The following UBR1 variants were observed in gnomAD, a reference collection of about 807,000 sequenced individuals.
UBR1 encodes the protein ubiquitin protein ligase E3 component n-recognin 1, also known as E3 ubiquitin-protein ligase UBR1.
A neutral mutation model predicts 242.1 loss-of-function variants in UBR1; 102 were observed. The observed-to-expected ratio is 0.42, with a 90% confidence interval of 0.36 to 0.50. The LOEUF is 0.50. Ranked by LOEUF, UBR1 falls within the 20% of genes least tolerant of loss-of-function variation. The pLI is 0.01. For synonymous variants in UBR1, 675 were observed against 684.8 expected, an observed-to-expected ratio of 0.99 and a Z score of 0.22; for missense variants, 1,772 against 2,101.8, an observed-to-expected ratio of 0.84 and a Z score of 3.07.
At chr15:43,005,219 C>T (rs931116233) in intron 30 of UBR1, among the ~76,000 whole-genome samples, 11 of 152,086 alleles carry the variant, frequency 7.2e-5, no homozygotes, top group African/African-American at 1.7e-4. Context: ...CATCTCCGCC[C>T]GGCAGCCGCC....
At chr15:43,097,873 TC>T (rs1461391260) in intron 1 of UBR1, among the ~76,000 whole-genome samples, 1 of 152,230 alleles carries the variant, frequency 6.6e-6, no homozygotes, top group Non-Finnish European at 1.5e-5. Flanking sequence ...TGTTTCACTT[TC>T]TTATTATTTG....
rs373571901 is a variant in UBR1, at chr15:43,042,294, G to A, written c.1849+921C>T. On this transcript the variant is annotated intron_variant, in intron 15 of 46. Transcript: ENST00000290650. ...AGAAGCAACCCAAGTGTCCATCAAC[G>A]GATAAATGGATGAACAAAATGTGGT... Among the ~76,000 whole-genome samples the A allele has an allele frequency of 2.7e-4, 41 of 151,986 alleles. 2 individuals are homozygous for A. The East Asian group carries it at 4.2e-3, about 16-fold the overall frequency.
chr15:42,945,524 A>G, intron 46 of UBR1, 54 bp from the exon 47 acceptor site: 2 of 1,602,222 alleles, frequency 1.2e-6, no homozygotes, highest in Non-Finnish European at 1.7e-6. Flanking sequence ...TAACTGCCAC[A>G]TCTTTATTGT....
chr15:43,092,148 A>T, intron 1 of UBR1: 2 of 365,592 alleles, frequency 5.5e-6, no homozygotes, highest in South Asian at 4.1e-5. Flanking sequence ...GATGCCTTAA[A>T]TACCCTCTCC....
chr15:43,024,655 G>A (rs1256510546), intron 25 of UBR1, among the ~76,000 whole-genome samples, 174 bp downstream of exon 25: 2 of 152,122 alleles, frequency 1.3e-5, no homozygotes, highest in Non-Finnish European at 2.9e-5. Flanking sequence ...GAGTAAGGAT[G>A]CTAAAAACAC....
chr15:43,019,476 A>G (rs2033075231), intron 27 of UBR1, among the ~76,000 whole-genome samples: 1 of 152,234 alleles, frequency 6.6e-6, no homozygotes, highest in Non-Finnish European at 1.5e-5. Context: ...AATGTGAAAA[A>G]TAACTACTTT....
intron 3 of UBR1, among the ~76,000 whole-genome samples, chr15:43,076,827 G>C (rs76975250): frequency 1.5e-5 from 1 of 68,042 alleles, no homozygotes; most frequent in Non-Finnish European, 3.0e-5. Context: ...GGTGAGGGGC[G>C]CCTCTGCCCG....
At chr15:43,039,895 T>C (rs2033393415) in intron 15 of UBR1, among the ~76,000 whole-genome samples, 1 of 152,200 alleles carries the variant, frequency 6.6e-6, no homozygotes, top group South Asian at 2.1e-4. Flanking sequence ...TGAAGGGCTG[T>C]TGAATTTTGT....
chr15:42,949,107 G>T (rs927188068), intron 46 of UBR1, among the ~76,000 whole-genome samples: 1 of 151,828 alleles, frequency 6.6e-6, no homozygotes, highest in African/African-American at 2.4e-5. Flanking sequence ...CCATAAAAAA[G>T]GATGAGTTCA....
intron 10 of UBR1, among the ~76,000 whole-genome samples, chr15:43,057,911 C>CA (rs1555448215): frequency 7.0e-6 from 1 of 142,808 alleles, no homozygotes; most frequent in Non-Finnish European, 1.5e-5. Flanking sequence ...TGAGAACGAA[C>CA]TTTTTTTTTT....
chr15:43,081,105 A>G lies in UBR1; in HGVS notation c.417+1533T>C, dbSNP rs570593770. ...AATTATCTTCTGAAGTAGTTATACC[A>G]TATTGCATTTCCACCAGTTATAAGA... On this transcript the variant is annotated intron_variant, in intron 3 of 46. Transcript: ENST00000290650. 2.6e-5 allele frequency among the ~76,000 whole-genome samples: 4 copies of G among 152,274 alleles called. No individual in the cohort carries two copies. The South Asian group carries it at 6.2e-4, about 24-fold the overall frequency.
chr15:43,030,707 C>A (rs1365200847), intron 20 of UBR1, among the ~76,000 whole-genome samples: 1 of 152,146 alleles, frequency 6.6e-6, no homozygotes, highest in African/African-American at 2.4e-5. Flanking sequence ...CCGGTGTCAA[C>A]AGCATCTAAT....
intron 32 of UBR1, among the ~76,000 whole-genome samples, chr15:43,001,871 A>C (rs925415519): frequency 6.6e-6 from 1 of 152,176 alleles, no homozygotes; most frequent in Admixed American, 6.5e-5. Context: ...AAATGAAATT[A>C]AAAATAATAC....
intron 27 of UBR1, among the ~76,000 whole-genome samples, chr15:43,019,096 T>C (rs866389936): frequency 1.8e-4 from 28 of 152,218 alleles, no homozygotes; most frequent in Middle Eastern, 6.8e-3. Flanking sequence ...GAGTCTCGCT[T>C]TGTCGCCCAC....
At chr15:43,082,127 TAC>T (rs1027141392) in intron 3 of UBR1, among the ~76,000 whole-genome samples, 2 of 148,740 alleles carry the variant, frequency 1.3e-5, no homozygotes, top group African/African-American at 4.9e-5. Flanking sequence ...GTTGCAGAAA[TAC>T]ACTCTTTTTA....
At chr15:43,078,355 A>C (rs114218179) in intron 3 of UBR1, among the ~76,000 whole-genome samples, 1,611 of 152,276 alleles carry the variant, frequency 0.011, 23 homozygotes, top group African/African-American at 0.036. Context: ...AGAGAGAAAC[A>C]AGACGTGCCA....
chr15:42,980,513 T>C (rs754472000), intron 37 of UBR1, among the ~76,000 whole-genome samples: 1 of 152,200 alleles, frequency 6.6e-6, no homozygotes, highest in Non-Finnish European at 1.5e-5. Flanking sequence ...GGATGGTGAC[T>C]AGAAATTAGA....
intron 45 of UBR1, 55 bp downstream of exon 45, chr15:42,952,223 T>C (rs2031845955): frequency 2.5e-6 from 4 of 1,609,770 alleles, no homozygotes; most frequent in Middle Eastern, 1.7e-4. Context: ...GACCCCCAGA[T>C]TGGATCCAGA....
chr15:42,969,223 A>T (rs537741965), intron 40 of UBR1, among the ~76,000 whole-genome samples: 59 of 152,260 alleles, frequency 3.9e-4, no homozygotes, highest in African/African-American at 1.3e-3. Flanking sequence ...ACTGGCATGA[A>T]ATGGTATCCC....
Sources: gnomAD v4.1 joint callset for allele counts (sites outside exome capture counted in the v4.1 genomes callset) on GRCh38, gnomAD v4.1.1 for gene constraint, MANE v1.5 for transcripts, NCBI Gene and HGNC (gene_info 2026-07-23, HGNC 2026-07-21) for gene names.